The following SLC44A1 variants were observed in gnomAD, a reference collection of about 807,000 sequenced individuals.
The protein encoded by SLC44A1 is solute carrier family 44 member 1, also known as choline transporter-like protein 1.
In SLC44A1, 26 loss-of-function variants were observed where a neutral mutation model predicts 79.3. The observed-to-expected ratio is 0.33, with a 90% CI of 0.24 to 0.46. SLC44A1 has a LOEUF of 0.46. Ranked by LOEUF, SLC44A1 falls within the 20% of genes least tolerant of loss-of-function variation. The pLI is 1.00. For missense variants in SLC44A1, 688 were observed against 798.1 expected (o/e 0.86, Z 1.66); for synonymous variants, 263 against 286.2 (o/e 0.92, Z 0.82).
At chr9:105,420,625 G>A (rs1003763786) in intron 15 of SLC44A1, among the ~76,000 whole-genome samples, 1 of 152,032 alleles carries the variant, frequency 6.6e-6, no homozygotes, top group African/African-American at 2.4e-5. Context: ...ACTTTCGGAG[G>A]CTGAAATGGG....
rs545086622 is a variant in SLC44A1, at chr9:105,390,876, G to A, written c.*1820G>A. On this transcript the variant is annotated 3_prime_UTR_variant, in exon 16 of 16. Coordinates refer to ENST00000374720, the MANE Select transcript of SLC44A1 (RefSeq NM_080546.5). ...GCTATTTTGAAAGAATAATTCTCCAGAAGTTAACATCTAATATCTAGTATC... is the reference window on the plus strand; with the variant it reads ...GCTATTTTGAAAGAATAATTCTCCAAAAGTTAACATCTAATATCTAGTATC... 5.1e-6 allele frequency: 5 copies of A among 985,290 alleles called. No individual in the cohort carries two copies. In the Admixed American group the frequency reaches 2.5e-4, roughly 48 times the overall value. 61.0% of individuals were successfully genotyped at this position (985,290 alleles called of 1,614,324 possible).
At chr9:105,290,248 T>C (rs2131270812) in intron 1 of SLC44A1, among the ~76,000 whole-genome samples, 1 of 152,228 alleles carries the variant, frequency 6.6e-6, no homozygotes, top group East Asian at 1.9e-4. Context: ...CCATTAACAG[T>C]CTGGAAACTG....
At chr9:105,288,231 A>G (rs951674255) in intron 1 of SLC44A1, among the ~76,000 whole-genome samples, 3 of 152,162 alleles carry the variant, frequency 2.0e-5, no homozygotes, top group Non-Finnish European at 4.4e-5. Flanking sequence ...AGTTATTTTT[A>G]TGACTTTAAT....
At chr9:105,251,192 A>G (rs1829577481) in intron 1 of SLC44A1, among the ~76,000 whole-genome samples, 3 of 152,174 alleles carry the variant, frequency 2.0e-5, no homozygotes, top group African/African-American at 4.8e-5. Context: ...TGTCCTCAAA[A>G]TCGTACCCCT....
At chr9:105,425,105 A>G (rs1829304260) in intron 15 of SLC44A1, among the ~76,000 whole-genome samples, 1 of 152,220 alleles carries the variant, frequency 6.6e-6, no homozygotes, top group South Asian at 2.1e-4. Flanking sequence ...TTTTAAAAAC[A>G]AAAATGATTG....
downstream of SLC44A1, among the ~76,000 whole-genome samples, chr9:105,400,887 T>C (rs1828949918): frequency 6.6e-6 from 1 of 152,278 alleles, no homozygotes; most frequent in African/African-American, 2.4e-5. Flanking sequence ...TCTTTTCATA[T>C]TCATTGTTTT....
At chr9:105,381,391 A>C (rs1380225167) in intron 13 of SLC44A1, among the ~76,000 whole-genome samples, 1 of 151,762 alleles carries the variant, frequency 6.6e-6, no homozygotes, top group Non-Finnish European at 1.5e-5. Flanking sequence ...AAATACAAAA[A>C]AAAAAAAATT....
In SLC44A1 at chr9:105,325,106, G is replaced by A. The variant is rs113947178; in HGVS notation, c.270-10457G>A. On this transcript the variant is annotated intron_variant, in intron 3 of 15. Coordinates refer to ENST00000374720, the MANE Select transcript of SLC44A1 (RefSeq NM_080546.5). ...GCCAAAAACAGAAAACAGCACAAAT[G>A]TACATCAACTGATGACAGGATAAAC... 4.9e-3 allele frequency among the ~76,000 whole-genome samples: 740 copies of A among 152,274 alleles called. 4 individuals are homozygous for A. Among genetic ancestry groups the A allele is most frequent in the Non-Finnish European group, 8.5e-3 (576 of 68,012 alleles).
At chr9:105,388,347 A>G (rs1465417094) in intron 15 of SLC44A1, among the ~76,000 whole-genome samples, 3 of 152,154 alleles carry the variant, frequency 2.0e-5, no homozygotes, top group Admixed American at 1.3e-4. Flanking sequence ...AGGATTGCTT[A>G]TTTGTATTTG....
chr9:105,323,692 A>C (rs1031156212), intron 3 of SLC44A1, among the ~76,000 whole-genome samples: 1 of 152,202 alleles, frequency 6.6e-6, no homozygotes, highest in Non-Finnish European at 1.5e-5. Flanking sequence ...CAACTGTTAA[A>C]TTTATGTAGT....
At chr9:105,274,095 C>T (rs879659112) in intron 1 of SLC44A1, among the ~76,000 whole-genome samples, 1 of 152,056 alleles carries the variant, frequency 6.6e-6, no homozygotes, top group African/African-American at 2.4e-5. Flanking sequence ...ATAAAAAAAC[C>T]AGTAAAGGAT....
intron 13 of SLC44A1, among the ~76,000 whole-genome samples, chr9:105,380,754 T>C (rs1202451096): frequency 6.6e-6 from 1 of 152,120 alleles, no homozygotes. Flanking sequence ...ACCATGGAGA[T>C]CACTGATATA....
At chr9:105,295,183 T>C (rs1830692939) in intron 1 of SLC44A1, among the ~76,000 whole-genome samples, 1 of 152,248 alleles carries the variant, frequency 6.6e-6, no homozygotes, top group African/African-American at 2.4e-5. Context: ...TATATAGTAA[T>C]TAACAGAATT....
At chr9:105,302,543 G>T (rs1177712957) in intron 2 of SLC44A1, among the ~76,000 whole-genome samples, 2 of 151,750 alleles carry the variant, frequency 1.3e-5, no homozygotes, top group Non-Finnish European at 2.9e-5. Context: ...AATAGAGATG[G>T]AGTTTCACCA....
At chr9:105,379,479 A>G (rs566449401) in intron 13 of SLC44A1, among the ~76,000 whole-genome samples, 1 of 152,288 alleles carries the variant, frequency 6.6e-6, no homozygotes, top group South Asian at 2.1e-4. Context: ...GTTATCATTG[A>G]AGGAAGTTGG....
chr9:105,396,912 T>TGGG lies in SLC44A1; in HGVS notation c.*7859_*7861dup. On this transcript the variant is annotated 3_prime_UTR_variant, in exon 16 of 16. Transcript: ENST00000374720. ...ACAGTGTCACTACACTGTATTCATG[T>TGGG]GGGGGAACAAACATGTAGGTGCTTG... 1.0e-6 allele frequency: 1 copy of TGGG among 985,184 alleles called. No individual in the cohort carries two copies. The highest frequency in any genetic ancestry group is 4.7e-5 in the South Asian group (1 of 21,284). The allele number at this position is 985,184 out of a possible 1,614,324, so 61.0% of individuals were successfully genotyped here. A position where few individuals can be genotyped will look rare whatever the true frequency, so the allele number is the denominator to read the frequency against.
chr9:105,427,024 C>T (rs888679764), intron 15 of SLC44A1, among the ~76,000 whole-genome samples: 1 of 151,996 alleles, frequency 6.6e-6, no homozygotes, highest in Admixed American at 6.6e-5. Context: ...CAACCTCCGC[C>T]TCCTAGGCTC....
downstream of SLC44A1, among the ~76,000 whole-genome samples, chr9:105,401,886 G>T (rs1039631251): frequency 2.0e-5 from 3 of 152,200 alleles, no homozygotes; most frequent in African/African-American, 7.2e-5. Flanking sequence ...GAGGGACGCA[G>T]AGAGCAGTGA....
rs1474596281 is a variant in SLC44A1, at chr9:105,255,747, A to G, written c.36+10843A>G. ...GGAGGGTGGGCTCTATAGCCAGACT[A>G]TATCAATTTGAATCCCACCTTATCA... On this transcript the variant is annotated intron_variant, in intron 1 of 15. Transcript: ENST00000374720. 5.3e-5 allele frequency among the ~76,000 whole-genome samples: 8 copies of G among 152,318 alleles called. No homozygotes were observed. The East Asian group carries it at 1.3e-3, about 26-fold the overall frequency.
Sources: gnomAD v4.1 joint callset for allele counts (sites outside exome capture counted in the v4.1 genomes callset) on GRCh38, gnomAD v4.1.1 for gene constraint, MANE v1.5 for transcripts, NCBI Gene and HGNC (gene_info 2026-07-23, HGNC 2026-07-21) for gene names.